ATM: variants seen among roughly 807,000 people sequenced by gnomAD.
ATM encodes ATM serine/threonine kinase, also known as serine-protein kinase ATM.
In ATM, 308 loss-of-function variants were observed where a neutral mutation model predicts 387.0. The observed-to-expected ratio is 0.80, with a 90% CI of 0.73 to 0.87. The LOEUF (loss-of-function observed/expected upper bound fraction) is 0.87. Among genes scored for constraint, ATM ranks in the 40% least tolerant of loss-of-function variants. ATM has a pLI of 0.00. For missense variants in ATM, 3,312 were observed against 3,560.9 expected (o/e 0.93, Z 1.78); for synonymous variants, 1,156 against 1,187.3 (o/e 0.97, Z 0.54).
intron 42 of ATM, among the ~76,000 whole-genome samples, chr11:108,316,753 C>CAAAAAAA (rs58165074): frequency 5.5e-5 from 4 of 72,442 alleles, no homozygotes; most frequent in South Asian, 5.8e-4. Flanking sequence ...ACTAAAAATA[C>CAAAAAAA]AAAAAAAAAA....
chr11:108,256,028 A>G (rs951913148), intron 13 of ATM, among the ~76,000 whole-genome samples, 187 bp from the exon 14 acceptor site: 4 of 152,130 alleles, frequency 2.6e-5, no homozygotes, highest in African/African-American at 7.2e-5. Flanking sequence ...ATTTTTCTTG[A>G]GAATCCTGGT....
At chr11:108,240,846 T>A (rs1310682995) in intron 5 of ATM, among the ~76,000 whole-genome samples, 1 of 152,214 alleles carries the variant, frequency 6.6e-6, no homozygotes, top group Non-Finnish European at 1.5e-5. Context: ...TTTTTCTTTC[T>A]TCAATACTAA....
rs548790023 is a variant in ATM at position 108,288,877 on chromosome 11, T to C, written c.4110-100T>C. 4 of 1,418,928 alleles carry C rather than the reference T, an allele frequency of 2.8e-6. No homozygotes were observed. In the African/African-American group the frequency reaches 5.7e-5, roughly 20 times the overall value. The allele number at this position is 1,418,928 out of a possible 1,614,324, so 87.9% of individuals were successfully genotyped here. A position where few individuals can be genotyped will look rare whatever the true frequency, so the allele number is the denominator to read the frequency against. ...TCAGTAGAAAAATGGTTTTTGAATTTGGGGGTTATTAAAATCTAAATTTTC... is the reference window on the plus strand; with the variant it reads ...TCAGTAGAAAAATGGTTTTTGAATTCGGGGGTTATTAAAATCTAAATTTTC... On this transcript the variant is annotated intron_variant, in intron 27 of 62. Coordinates refer to ENST00000675843, the MANE Select transcript of ATM (RefSeq NM_000051.4).
At chr11:108,319,870 T>G (rs1353568565) in intron 43 of ATM, 84 bp from the exon 44 acceptor site, 3 of 946,116 alleles carry the variant, frequency 3.2e-6, no homozygotes, top group Non-Finnish European at 5.0e-6. Context: ...ATTTAAAAAT[T>G]TTGTCCTTTG....
At chr11:108,315,772 A>G (rs372978004) in intron 40 of ATM, 51 bp from the exon 41 acceptor site, 28 of 1,467,898 alleles carry the variant, frequency 1.9e-5, no homozygotes, top group Admixed American at 3.4e-5. Context: ...TGCTAAATTT[A>G]TAGACCGATT....
intron 16 of ATM, among the ~76,000 whole-genome samples, chr11:108,263,879 A>G (rs1385612156): frequency 6.6e-6 from 1 of 150,980 alleles, no homozygotes. Flanking sequence ...TAGAAAATCT[A>G]GAAGAAATGG....
At position 108,253,892 on chromosome 11, in the gene ATM, G is replaced by T. The variant is rs1060501565; in HGVS notation, c.1977G>T (p.Lys659Asn). The T allele has an allele frequency of 3.7e-6, 6 of 1,613,924 alleles. No individual in the cohort carries two copies. The highest frequency in any genetic ancestry group is 5.1e-6 in the Non-Finnish European group (6 of 1,179,988). ...EELFLQTTFD[K>N]MDFLTIVREC... ...TATTTCTTCAGACAACTTTTGACAAGATGGACTTTTTAACCATTGTGAGAG... is the reference window on the plus strand; with the variant it reads ...TATTTCTTCAGACAACTTTTGACAATATGGACTTTTTAACCATTGTGAGAG... The change falls in exon 13 of 63, where the codon AAG becomes AAT. Residue 659 changes from lysine to asparagine, a missense_variant. Physicochemically the swap from Lys to Asn is moderately conservative, Grantham distance 94 (BLOSUM62 0). Transcript: ENST00000675843.
chr11:108,248,274 T>C (rs1169779132), intron 8 of ATM, among the ~76,000 whole-genome samples: 1 of 152,234 alleles, frequency 6.6e-6, no homozygotes, highest in Non-Finnish European at 1.5e-5. Context: ...AATTTCACTC[T>C]GTCAAATATT....
At chr11:108,254,383 G>A (rs2080344163) in intron 13 of ATM, among the ~76,000 whole-genome samples, 1 of 152,084 alleles carries the variant, frequency 6.6e-6, no homozygotes, top group Non-Finnish European at 1.5e-5. Context: ...AAAAGAACAC[G>A]ATGTAAACAA....
chr11:108,229,568 T>TTGTCTA, intron 4 of ATM: 1 of 427,768 alleles, frequency 2.3e-6, no homozygotes, highest in Non-Finnish European at 4.2e-6. Context: ...CTGGTTGTGA[T>TTGTCTA]CAATTCGTTG....
chr11:108,294,045 G>A (rs1451321403), intron 31 of ATM, among the ~76,000 whole-genome samples: 1 of 151,094 alleles, frequency 6.6e-6, no homozygotes, highest in Non-Finnish European at 1.5e-5. Context: ...AAAACTTCCT[G>A]GTAAAGATCC....
rs587781812 is a variant in ATM, at chr11:108,267,226, A to G, written c.2522A>G (p.Asp841Gly). The G allele has an allele frequency of 1.2e-6, 2 of 1,614,172 alleles. No homozygotes were observed. The highest frequency in any genetic ancestry group is 1.7e-6 in the Non-Finnish European group (2 of 1,180,000). ...GGAGAAGTAGAATCAATGGAAGATG[A>G]TACTAATGGAAATCTAATGGAGGTG... ...DRGEVESMEDDTNGNLMEVED... is the reference protein window; with the variant it reads ...DRGEVESMEDGTNGNLMEVED... Residue 841 changes from aspartate to glycine, a missense_variant, in exon 17 of 63, where the codon GAT (aspartate) becomes GGT (glycine). Physicochemically the swap from Asp to Gly is moderately conservative, Grantham distance 94. Coordinates refer to ENST00000675843, the MANE Select transcript of ATM (RefSeq NM_000051.4).
rs751436997 is a variant in ATM, at chr11:108,282,680, C to G, written c.3577-30C>G. ...TAAATGATTTATTTTTTTCATTTTT[C>G]TTAACACATTGACTTTTTGGTTCGT... On this transcript the variant is annotated intron_variant, in intron 24 of 62. Transcript: ENST00000675843. 1 of 1,599,994 alleles carries G rather than the reference C, an allele frequency of 6.3e-7. No individual in the cohort carries two copies.
At chr11:108,364,085 T>C (rs2091084846) in intron 61 of ATM, among the ~76,000 whole-genome samples, 1 of 152,148 alleles carries the variant, frequency 6.6e-6, no homozygotes, top group African/African-American at 2.4e-5. Flanking sequence ...TGGAGGACAC[T>C]CAAAACAGCA....
In ATM at chr11:108,281,183, G is replaced by A. The variant is rs764820890; in HGVS notation, c.3576+15G>A. 4 of 1,611,540 alleles carry A rather than the reference G, an allele frequency of 2.5e-6. No individual in the cohort carries two copies. Among genetic ancestry groups the A allele is most frequent in the East Asian group, 2.2e-5 (1 of 44,812 alleles). Reference sequence around the variant, plus strand: ...TTGTGAAAAAGGTATATATGGATGAGTATTTTATTAGAAGCTTCCTTAGGT... The same window carrying A: ...TTGTGAAAAAGGTATATATGGATGAATATTTTATTAGAAGCTTCCTTAGGT... On this transcript the variant is annotated intron_variant, in intron 24 of 62. Transcript: ENST00000675843.
In ATM at chr11:108,329,026, A is replaced by G. The variant is rs1185924377; in HGVS notation, c.7095A>G (p.Val2365=). 6.2e-7 allele frequency: 1 copy of G among 1,613,786 alleles called. No homozygotes were observed. Among genetic ancestry groups the G allele is most frequent in the Non-Finnish European group, 8.5e-7 (1 of 1,179,802 alleles). The part of the protein sequence containing the change: ...VIMQTYLEKA[V]EVAGNYDGES... Reference sequence around the variant, plus strand: ...TTGGTTGTGTTTTCTTGAAGGCAGTAGAAGTTGCTGGAAATTATGATGGAG... The same window carrying G: ...TTGGTTGTGTTTTCTTGAAGGCAGTGGAAGTTGCTGGAAATTATGATGGAG... Residue 2365 remains valine, a synonymous_variant, in exon 49 of 63, where the codon GTA becomes GTG. Transcript: ENST00000675843.
rs1591192583 is a variant in ATM at position 108,335,110 on chromosome 11, G to A, written c.8151+1G>A. 1 of 1,614,010 alleles carries A rather than the reference G, an allele frequency of 6.2e-7. No homozygotes were observed. On this transcript the variant is annotated splice_donor_variant, in intron 55 of 62. Coordinates refer to ENST00000675843, the MANE Select transcript of ATM (RefSeq NM_000051.4). LOFTEE classifies it high-confidence loss of function. ...CAAGGAGAGGAGACAGCTTGTTAAG[G>A]TGAGCCTTCCCTTCTCTGGCTTAGC...
At chr11:108,356,907 CTG>C (rs1565587162) in intron 61 of ATM, among the ~76,000 whole-genome samples, 1 of 152,214 alleles carries the variant, frequency 6.6e-6, no homozygotes, top group Non-Finnish European at 1.5e-5. Flanking sequence ...CCTACAATAA[CTG>C]TCACCTTTAA....
intron 16 of ATM, among the ~76,000 whole-genome samples, chr11:108,265,353 G>A (rs1261211293): frequency 6.6e-6 from 1 of 152,116 alleles, no homozygotes; most frequent in African/African-American, 2.4e-5. Context: ...TCTGCTCTTT[G>A]ACAAACCTGA....
Sources: gnomAD v4.1 joint callset for allele counts (sites outside exome capture counted in the v4.1 genomes callset) on GRCh38, gnomAD v4.1.1 for gene constraint, MANE v1.5 for transcripts, NCBI Gene and HGNC (gene_info 2026-07-23, HGNC 2026-07-21) for gene names.